The following FRMD4A variants were observed in gnomAD, a reference collection of about 807,000 sequenced individuals.
FRMD4A encodes the protein FERM domain containing 4A.
Under a neutral mutation model 129.1 loss-of-function variants are expected in FRMD4A, and 29 were observed. The ratio of observed to expected loss-of-function variants is 0.22; its 90% CI spans 0.17 to 0.31. The LOEUF (loss-of-function observed/expected upper bound fraction) is 0.31. FRMD4A is among the 10% of genes least tolerant of loss of function. The pLI, the probability that FRMD4A is intolerant of heterozygous loss-of-function variation, is 1.00. For missense variants in FRMD4A, 1,272 were observed against 1,375.8 expected (o/e 0.92, Z 1.19); for synonymous variants, 634 against 571.6 (o/e 1.11, Z -1.56).
At chr10:13,896,031 G>A (rs113051278) in intron 2 of FRMD4A, among the ~76,000 whole-genome samples, 13 of 152,306 alleles carry the variant, frequency 8.5e-5, no homozygotes, top group African/African-American at 1.9e-4. Context: ...AGGTGCTGGC[G>A]AGGCTGTGGT....
intron 2 of FRMD4A, among the ~76,000 whole-genome samples, chr10:13,941,086 A>T (rs1445221836): frequency 6.6e-6 from 1 of 152,118 alleles, no homozygotes; most frequent in Non-Finnish European, 1.5e-5. Flanking sequence ...TTAAATGCAA[A>T]TCGTGTGATA....
At position 13,707,059 on chromosome 10, in the gene FRMD4A, C is replaced by T. The variant is rs1296059989; in HGVS notation, c.814G>A (p.Val272Met). 1.3e-6 allele frequency: 2 copies of T among 1,590,832 alleles called. No individual in the cohort carries two copies. The highest frequency in any genetic ancestry group is 1.7e-5 in the Admixed American group (1 of 59,988). ...TACCTGCGTGGGTCATGAACTTCCA[C>T]GGAAAACTTCTTTTCTCTGAAGTAC... ...NLYFREKKFS[V>M]EVHDPRRASV... Residue 272 changes from valine (V) to methionine (M), a missense_variant, in exon 13 of 25, where the codon GTG becomes ATG. By Grantham distance (21) the Val-to-Met change is conservative. Around this residue, in one of 2 missense-constraint regions of FRMD4A, gnomAD observed 300 missense variants for 483.6 expected, o/e 0.62. Transcript: ENST00000357447.
intron 2 of FRMD4A, among the ~76,000 whole-genome samples, chr10:14,276,792 C>T (rs887858699): frequency 2.6e-5 from 4 of 152,158 alleles, no homozygotes; most frequent in Admixed American, 2.0e-4. Flanking sequence ...TCTTTATGCC[C>T]CACACTACTC....
intron 2 of FRMD4A, among the ~76,000 whole-genome samples, chr10:14,167,891 G>A (rs567556790): frequency 2.6e-5 from 4 of 152,314 alleles, no homozygotes; most frequent in East Asian, 3.9e-4. Flanking sequence ...GGGCATCCCC[G>A]TGGATAGACA....
intron 2 of FRMD4A, among the ~76,000 whole-genome samples, chr10:13,863,255 T>C (rs2094318301): frequency 6.6e-6 from 1 of 152,232 alleles, no homozygotes; most frequent in Non-Finnish European, 1.5e-5. Flanking sequence ...ACATTTATGA[T>C]ACTAGCTTCA....
chr10:14,066,281 G>A (rs1041921610), intron 2 of FRMD4A, among the ~76,000 whole-genome samples: 5 of 146,756 alleles, frequency 3.4e-5, no homozygotes, highest in South Asian at 2.2e-4. Flanking sequence ...CCAAAGTCAC[G>A]TACTTCCTCT....
chr10:13,812,864 C>T (rs923552889), intron 3 of FRMD4A, among the ~76,000 whole-genome samples: 2 of 152,246 alleles, frequency 1.3e-5, no homozygotes, highest in Non-Finnish European at 1.5e-5. Flanking sequence ...AAAGCAATCT[C>T]TATAACCAAC....
chr10:13,958,276 C>G (rs186743050), intron 2 of FRMD4A, among the ~76,000 whole-genome samples: 1 of 140,358 alleles, frequency 7.1e-6, no homozygotes, highest in Non-Finnish European at 1.5e-5. Context: ...ACAGCCATGA[C>G]CATTGTTTTT....
intron 2 of FRMD4A, among the ~76,000 whole-genome samples, chr10:13,970,135 C>T (rs747204451): frequency 3.9e-5 from 6 of 152,114 alleles, no homozygotes; most frequent in Non-Finnish European, 5.9e-5. Context: ...GTGAACTTTT[C>T]GGATGCTGGT....
At chr10:14,306,688 C>T (rs1228334) in intron 2 of FRMD4A, among the ~76,000 whole-genome samples, 10,540 of 152,130 alleles carry the variant, frequency 0.069, 928 homozygotes, top group African/African-American at 0.21. Flanking sequence ...GCACTAGTTA[C>T]AAAAAAGAAG....
intron 2 of FRMD4A, among the ~76,000 whole-genome samples, chr10:13,914,775 T>TGGA (rs774137325): frequency 7.9e-5 from 12 of 152,058 alleles, no homozygotes. Flanking sequence ...TGTGATGTGG[T>TGGA]GGACCCCAAA....
chr10:14,087,923 G>GGTAGACAC (rs1836390802), intron 2 of FRMD4A, among the ~76,000 whole-genome samples: 1 of 152,192 alleles, frequency 6.6e-6, no homozygotes, highest in African/African-American at 2.4e-5. Flanking sequence ...TGTTGCAGCG[G>GGTAGACAC]CTTCTGCTGG....
At chr10:13,799,478 G>A (rs2093204515) in intron 4 of FRMD4A, among the ~76,000 whole-genome samples, 1 of 150,278 alleles carries the variant, frequency 6.7e-6, no homozygotes, top group African/African-American at 2.5e-5. Flanking sequence ...TTCTATATCT[G>A]GAAAATGCCA....
rs112622750 is a variant in FRMD4A at position 13,694,123 on chromosome 10, G to A, written c.976-84C>T. 1.1e-3 allele frequency: 1,290 copies of A among 1,145,362 alleles called. 6 individuals carry two copies. The African/African-American group carries it at 0.018, about 16-fold the overall frequency. The allele number at this position is 1,145,362 out of a possible 1,614,324, so 70.9% of individuals were successfully genotyped here. ...CATCCCTCGCCCGCGCCTGCTCACC[G>A]TCTTGACATTCCGCAAAGGGACTTA... On this transcript the variant is annotated intron_variant, in intron 14 of 24. Transcript: ENST00000357447.
At chr10:14,284,512 G>T (rs1198729291) in intron 2 of FRMD4A, among the ~76,000 whole-genome samples, 2 of 152,048 alleles carry the variant, frequency 1.3e-5, no homozygotes. Flanking sequence ...AATTAGCTGG[G>T]CGTGGTGGCA....
At chr10:14,089,223 C>A (rs2131747796) in intron 2 of FRMD4A, among the ~76,000 whole-genome samples, 1 of 152,306 alleles carries the variant, frequency 6.6e-6, no homozygotes, top group Admixed American at 6.5e-5. Flanking sequence ...TTCCCACAGG[C>A]CCCTGGCGCT....
intron 2 of FRMD4A, among the ~76,000 whole-genome samples, chr10:14,191,808 TC>T (rs1343764024): frequency 9.1e-4 from 28 of 30,704 alleles, no homozygotes; most frequent in Middle Eastern, 0.017. Context: ...TTTTTTTTTC[TC>T]TCTCTCTCTC....
chr10:13,759,280 A>G (rs1284678178), intron 8 of FRMD4A, among the ~76,000 whole-genome samples: 1 of 152,176 alleles, frequency 6.6e-6, no homozygotes, highest in Non-Finnish European at 1.5e-5. Context: ...ATGGAGCACA[A>G]CCCGGATCCT....
chr10:13,778,357 G>C (rs562237352), intron 6 of FRMD4A, among the ~76,000 whole-genome samples: 1 of 152,052 alleles, frequency 6.6e-6, no homozygotes, highest in South Asian at 2.1e-4. Flanking sequence ...CTGCATTATG[G>C]TATCTTTTCC....
Sources: gnomAD v4.1 joint callset for allele counts (sites outside exome capture counted in the v4.1 genomes callset) on GRCh38, gnomAD v4.1.1 for gene constraint, gnomAD v4.1.1 regional missense constraint, MANE v1.5 for transcripts, NCBI Gene and HGNC (gene_info 2026-07-23, HGNC 2026-07-21) for gene names.